Variants in PDZD2 observed in about 807,000 individuals in gnomAD.
The protein encoded by PDZD2 is PDZ domain containing 2.
A neutral mutation model predicts 220.7 loss-of-function variants in PDZD2; 90 were observed. The ratio of observed to expected loss-of-function variants is 0.41; its 90% CI spans 0.34 to 0.49. The LOEUF (loss-of-function observed/expected upper bound fraction) is 0.49, where lower values mean the gene tolerates loss of function less well. Ranked by LOEUF, PDZD2 falls within the 20% of genes least tolerant of loss-of-function variation. The pLI, the probability that PDZD2 is intolerant of heterozygous loss-of-function variation, is 0.28. For synonymous variants in PDZD2, 1,375 were observed against 1,450.5 expected, an observed-to-expected ratio of 0.95 and a Z score of 1.18; for missense variants, 3,174 against 3,608.5, an observed-to-expected ratio of 0.88 and a Z score of 3.08.
At chr5:31,967,194 T>A (rs1471851756) in intron 2 of PDZD2, among the ~76,000 whole-genome samples, 4 of 152,084 alleles carry the variant, frequency 2.6e-5, no homozygotes, top group Non-Finnish European at 5.9e-5. Flanking sequence ...TGTTTCAAGA[T>A]GGAGCTGGAT....
intron 1 of PDZD2, among the ~76,000 whole-genome samples, chr5:31,655,463 G>A (rs1440616747): frequency 2.0e-5 from 3 of 152,092 alleles, no homozygotes; most frequent in Admixed American, 2.0e-4. Flanking sequence ...GAGCCACTGC[G>A]CCCGGCCTAG....
In PDZD2 at chr5:31,888,225, C is replaced by T. The variant is rs116757014; in HGVS notation, c.476+88501C>T. ...TTCCTTCCTTCCCTTCCTTCCCTCC[C>T]TCTGTCACCCAGGCTGGAGTGCAGT... On this transcript the variant is annotated intron_variant, in intron 2 of 24. Coordinates refer to ENST00000438447, the MANE Select transcript of PDZD2 (RefSeq NM_178140.4). Among the ~76,000 whole-genome samples, 1,435 of 151,912 alleles carry T rather than the reference C, an allele frequency of 9.4e-3. 20 individuals are homozygous for T. Among genetic ancestry groups the T allele is most frequent in the African/African-American group, 0.033 (1,355 of 41,398 alleles).
Position 32,088,572 on chromosome 5 carries a change from C to G in PDZD2, c.5124C>G (p.Asn1708Lys). Reference sequence around the variant, plus strand: ...CCAGCGCTAGCTCAGCCATGGAAAACAGTCCGCTGTCTAAAGTAGCCAGGC... The same window carrying G: ...CCAGCGCTAGCTCAGCCATGGAAAAGAGTCCGCTGTCTAAAGTAGCCAGGC... ...EVTSASSAMENSPLSKVARHF... is the reference protein window; with the variant it reads ...EVTSASSAMEKSPLSKVARHF... The change falls in exon 20 of 25, where the codon AAC (asparagine) becomes AAG (lysine). Residue 1708 changes from asparagine (N) to lysine (K), a missense_variant. By Grantham distance (94) the Asn-to-Lys change is moderately conservative. Transcript: ENST00000438447. This position sits in a 1 kb window ranked among gnomAD's most constrained non-coding sequence, Gnocchi z 4.6. 1.2e-6 allele frequency: 2 copies of G among 1,614,174 alleles called. No homozygotes were observed. The highest frequency in any genetic ancestry group is 1.7e-5 in the Admixed American group (1 of 60,016).
At chr5:31,880,687 A>C (rs1375952608) in intron 2 of PDZD2, among the ~76,000 whole-genome samples, 1 of 151,632 alleles carries the variant, frequency 6.6e-6, no homozygotes, top group African/African-American at 2.4e-5. Flanking sequence ...TTTGATTTCA[A>C]GGGGGCCAAA....
Position 32,092,930 on chromosome 5 carries a change from C to T in PDZD2, c.7751C>T (p.Ala2584Val), listed in dbSNP as rs776143620. The change falls in exon 21 of 25, where the codon GCG becomes GTG. Residue 2584 changes from alanine (A) to valine (V), a missense_variant. By Grantham distance (64) the Ala-to-Val change is moderately conservative. This residue lies in a region of PDZD2 where 631 missense variants were observed against 789.9 expected (regional missense o/e 0.80). Transcript: ENST00000438447. The stretch of plus-strand genomic sequence containing the variant: ...AGTTTGGATCAACTTCTAGTCTCAG[C>T]GGGGGACCAGCAAAGATTACAGTCT... Reference protein sequence around the residue: ...SVNLDQLLVSAGDQQRLQSVL... With the variant: ...SVNLDQLLVSVGDQQRLQSVL... The T allele has an allele frequency of 7.6e-6, 12 of 1,589,040 alleles. No individual in the cohort carries two copies. The highest frequency in any genetic ancestry group is 2.2e-5 in the East Asian group (1 of 44,718).
rs767766371 is a variant in PDZD2 at position 32,090,560 on chromosome 5, G to A, written c.7112G>A (p.Arg2371Lys). 6.2e-7 allele frequency: 1 copy of A among 1,613,972 alleles called. No individual in the cohort carries two copies. Among genetic ancestry groups the A allele is most frequent in the Non-Finnish European group, 8.5e-7 (1 of 1,179,998 alleles). ...LSVSSKPPIG[R>K]RSSGSIVSGS... ...GTGAGCTCCAAGCCTCCCATTGGGA[G>A]GCGGTCTTCCGGCAGCATTGTTTCC... Residue 2371 changes from arginine to lysine, a missense_variant, in exon 20 of 25, where the codon AGG becomes AAG. Physicochemically the swap from Arg to Lys is conservative, Grantham distance 26. Coordinates refer to ENST00000438447, the MANE Select transcript of PDZD2 (RefSeq NM_178140.4). This position sits in a 1 kb window ranked among gnomAD's most constrained non-coding sequence, Gnocchi z 4.3.
chr5:31,959,251 T>TTA (rs201881528), intron 2 of PDZD2, among the ~76,000 whole-genome samples: 4,913 of 143,864 alleles, frequency 0.034, 285 homozygotes, highest in African/African-American at 0.12. Context: ...ATATATATAT[T>TTA]TATATATATA....
At chr5:32,107,928 A>T (rs183594449) in intron 24 of PDZD2, 41 bp from the exon 25 acceptor site, 638 of 1,479,078 alleles carry the variant, frequency 4.3e-4, no homozygotes, top group Non-Finnish European at 1.9e-5. Context: ...GAATACTATG[A>T]AACTGCCAAG....
chr5:31,877,512 C>T (rs946777587), intron 2 of PDZD2, among the ~76,000 whole-genome samples: 4 of 152,078 alleles, frequency 2.6e-5, no homozygotes, highest in African/African-American at 9.7e-5. Flanking sequence ...AGACACCATG[C>T]CTGGCCCAGA....
At chr5:32,074,769 C>G (rs1741130026) in intron 18 of PDZD2, 126 bp downstream of exon 18, 1 of 649,858 alleles carries the variant, frequency 1.5e-6, no homozygotes, top group Non-Finnish European at 2.7e-6. Flanking sequence ...AATTATCTTT[C>G]AACAGAGTCA....
At chr5:31,721,673 T>C (rs1370951145) in intron 1 of PDZD2, among the ~76,000 whole-genome samples, 1 of 151,432 alleles carries the variant, frequency 6.6e-6, no homozygotes, top group Admixed American at 6.6e-5. Context: ...AAATTATGCC[T>C]AATGCTTTGC....
chr5:31,680,622 C>T (rs920533988), intron 1 of PDZD2, among the ~76,000 whole-genome samples: 2 of 152,200 alleles, frequency 1.3e-5, no homozygotes, highest in Non-Finnish European at 2.9e-5. Flanking sequence ...GTTTCTGTGG[C>T]CAGACCCTGG....
At chr5:31,756,810 C>A (rs970018185) in intron 1 of PDZD2, among the ~76,000 whole-genome samples, 1 of 152,250 alleles carries the variant, frequency 6.6e-6, no homozygotes, top group Admixed American at 6.5e-5. Context: ...TAAGTTGGCC[C>A]TGCTGGGCGC....
intron 1 of PDZD2, among the ~76,000 whole-genome samples, chr5:31,663,063 C>T (rs13176899): frequency 0.59 from 89,335 of 152,012 alleles, 27,164 homozygotes; most frequent in Middle Eastern, 0.73. Context: ...CTTTCCTGCC[C>T]CTCACTACTA....
intron 4 of PDZD2, among the ~76,000 whole-genome samples, chr5:31,998,722 T>C (rs1234295448): frequency 1.3e-5 from 2 of 152,256 alleles, no homozygotes; most frequent in Admixed American, 1.3e-4. Context: ...ACACTAACGA[T>C]AGCTGATGAG....
intron 2 of PDZD2, among the ~76,000 whole-genome samples, chr5:31,939,132 G>A (rs1746007721): frequency 6.6e-6 from 1 of 152,188 alleles, no homozygotes; most frequent in Non-Finnish European, 1.5e-5. Context: ...CAGAGGTAGG[G>A]CCTGGAAAAC....
chr5:31,737,612 T>G (rs1344315155), intron 1 of PDZD2, among the ~76,000 whole-genome samples: 3 of 152,238 alleles, frequency 2.0e-5, no homozygotes, highest in African/African-American at 7.2e-5. Flanking sequence ...CACTTTTAGC[T>G]GTTGTTACAA....
chr5:31,720,262 C>A (rs1184276748), intron 1 of PDZD2, among the ~76,000 whole-genome samples: 2 of 152,176 alleles, frequency 1.3e-5, no homozygotes, highest in African/African-American at 4.8e-5. Context: ...TAAAGATGTG[C>A]AGAATCAGAA....
chr5:32,088,361 CGAGA>C lies in PDZD2; in HGVS notation c.4917_4920del (p.Arg1639SerfsTer32). On this transcript the variant is annotated frameshift_variant, in exon 20 of 25. Coordinates refer to ENST00000438447, the MANE Select transcript of PDZD2 (RefSeq NM_178140.4). LOFTEE classifies it high-confidence loss of function. The surrounding 1 kb of genome is among the most constrained non-coding windows in gnomAD (Gnocchi z 4.6). ...GTTCTGTCATTAAAATACAGCACTCCGAGAGAGTCGGTGGCCAGTCCCCGTGAGA... is the reference window on the plus strand; with the variant it reads ...GTTCTGTCATTAAAATACAGCACTCCGAGTCGGTGGCCAGTCCCCGTGAGA... 6.2e-7 allele frequency: 1 copy of C among 1,614,050 alleles called. No individual in the cohort carries two copies. Among genetic ancestry groups the C allele is most frequent in the Non-Finnish European group, 8.5e-7 (1 of 1,180,018 alleles).
Sources: allele counts gnomAD v4.1 joint callset (sites outside exome capture counted in the v4.1 genomes callset), GRCh38; gene constraint gnomAD v4.1.1; regional missense constraint gnomAD v4.1.1; non-coding constraint Gnocchi (gnomAD v3.1); transcripts MANE v1.5; gene names NCBI Gene and HGNC (gene_info 2026-07-23, HGNC 2026-07-21).